Variants in ZNF236 observed in about 807,000 individuals in gnomAD.
ZNF236 encodes the protein zinc finger protein 236, also known as regulated by glucose.
ZNF236 carries 50 observed loss-of-function variants against 191.2 expected under a neutral mutation model. The ratio of observed to expected loss-of-function variants is 0.26; its 90% CI spans 0.21 to 0.33. The LOEUF is 0.33. Ranked by LOEUF, ZNF236 falls within the 10% of genes least tolerant of loss-of-function variation. The pLI is 1.00. For synonymous variants in ZNF236, 907 were observed against 928.8 expected (o/e 0.98, Z 0.43); for missense variants, 1,754 against 2,374.5 (o/e 0.74, Z 5.43).
chr18:76,824,638 C>G (rs1244056808), intron 1 of ZNF236, among the ~76,000 whole-genome samples: 1 of 152,170 alleles, frequency 6.6e-6, no homozygotes, highest in Admixed American at 6.6e-5. Flanking sequence ...TGTAAAATTT[C>G]CACGGCCACA....
chr18:76,895,013 G>C lies in ZNF236; in HGVS notation c.1418G>C (p.Gly473Ala). The stretch of plus-strand genomic sequence containing the variant: ...CGGGACGTGTCCTCTCCCTTCACAG[G>C]CTCCATCCGCGAGGAGAACGGCGTG... ...MIKKKSPFLP[G>A]SIREENGVRW... Residue 473 changes from glycine (G) to alanine (A), a missense_variant and splice_region_variant, in exon 10 of 31, where the codon GGC (glycine) becomes GCC (alanine). By Grantham distance (60) the Gly-to-Ala change is moderately conservative. Transcript: ENST00000320610. The C allele has an allele frequency of 1.2e-6, 2 of 1,608,168 alleles. No individual in the cohort carries two copies. Among genetic ancestry groups the C allele is most frequent in the African/African-American group, 1.3e-5 (1 of 75,060 alleles).
At chr18:76,895,448 G>GTT (rs1352894734) in intron 10 of ZNF236, 163 bp downstream of exon 10, 1 of 1,024,026 alleles carries the variant, frequency 9.8e-7, no homozygotes, top group Non-Finnish European at 1.4e-6. Context: ...AGTACTGCAC[G>GTT]TAAGTGTGGC....
At chr18:76,852,556 T>C (rs1975909325) in intron 3 of ZNF236, among the ~76,000 whole-genome samples, 1 of 151,972 alleles carries the variant, frequency 6.6e-6, no homozygotes, top group East Asian at 1.9e-4. Context: ...ATCCCAGTGT[T>C]TGGGAAGCTG....
At chr18:76,936,232 C>T in intron 25 of ZNF236, 1 of 442,842 alleles carries the variant, frequency 2.3e-6, no homozygotes, top group South Asian at 1.6e-5. Context: ...TCCTTAGCAA[C>T]TGGCACAGTG....
chr18:76,828,756 T>G (rs1242137939), intron 1 of ZNF236, among the ~76,000 whole-genome samples: 2 of 152,184 alleles, frequency 1.3e-5, no homozygotes, highest in Non-Finnish European at 2.9e-5. Context: ...AACCTCCGCC[T>G]TCTGGGTTCA....
Position 76,895,173 on chromosome 18 carries a change from G to A in ZNF236, c.1578G>A (p.Thr526=), listed in dbSNP as rs765395015. The A allele has an allele frequency of 8.1e-6, 13 of 1,606,184 alleles. No individual in the cohort carries two copies. Among genetic ancestry groups the A allele is most frequent in the South Asian group, 1.1e-5 (1 of 91,088 alleles). ...QCFRAFAVKS[T]LTAHIKTHTG... is the part of the protein sequence containing the mutation. ...TCCGCGCCTTCGCCGTGAAGAGCAC[G>A]CTGACAGCGCACATCAAGACGCACA... The change falls in exon 10 of 31, where the codon ACG becomes ACA. Residue 526 remains threonine, a synonymous_variant. Transcript: ENST00000320610.
intron 9 of ZNF236, among the ~76,000 whole-genome samples, chr18:76,890,642 G>T (rs1484074525): frequency 6.6e-6 from 1 of 152,108 alleles, no homozygotes; most frequent in East Asian, 1.9e-4. Context: ...TTAGAAAATG[G>T]TGTCTTATTG....
chr18:76,874,431 A>G (rs1329152128), intron 5 of ZNF236, among the ~76,000 whole-genome samples: 1 of 151,834 alleles, frequency 6.6e-6, no homozygotes, highest in Non-Finnish European at 1.5e-5. Flanking sequence ...TCCTTCATTC[A>G]TCAGATCCGT....
chr18:76,928,669 T>C (rs1967771466), intron 25 of ZNF236, among the ~76,000 whole-genome samples: 1 of 152,176 alleles, frequency 6.6e-6, no homozygotes, highest in Admixed American at 6.5e-5. Flanking sequence ...GTCTTAGGGC[T>C]ATGCTGCTCG....
chr18:76,863,875 G>C (rs1443322625), intron 3 of ZNF236, among the ~76,000 whole-genome samples: 1 of 152,188 alleles, frequency 6.6e-6, no homozygotes, highest in Non-Finnish European at 1.5e-5. Context: ...ACCAGAAGGA[G>C]GCTTGGAACT....
rs888230205 is a variant in ZNF236, at chr18:76,849,570, C to G, written c.100C>G (p.Gln34Glu). 2 of 1,611,816 alleles carry G rather than the reference C, an allele frequency of 1.2e-6. No individual in the cohort carries two copies. The highest frequency in any genetic ancestry group is 1.7e-5 in the Admixed American group (1 of 59,378). The change falls in exon 2 of 31, where the codon CAA becomes GAA. Residue 34 changes from glutamine to glutamate, a missense_variant. Around this residue, in one of 5 missense-constraint regions of ZNF236, gnomAD observed 336 missense variants for 495.1 expected, o/e 0.68. Coordinates refer to ENST00000320610, the MANE Select transcript of ZNF236 (RefSeq NM_001306089.2). ...TGCGGAGAACACTAATTATGCCTATCAAGTTCCAAACTTCCATAAATGTGA... is the reference window on the plus strand; with the variant it reads ...TGCGGAGAACACTAATTATGCCTATGAAGTTCCAAACTTCCATAAATGTGA... ...LNAENTNYAY[Q>E]VPNFHKCEIC...
chr18:76,961,811 A>T (rs138042525), intron 30 of ZNF236, among the ~76,000 whole-genome samples: 3,055 of 152,074 alleles, frequency 0.02, 108 homozygotes, highest in African/African-American at 0.069. Flanking sequence ...CATTTTCCTG[A>T]TCATTAGTGA....
At chr18:76,922,621 A>T (rs1361157954) in intron 20 of ZNF236, among the ~76,000 whole-genome samples, 6 of 150,602 alleles carry the variant, frequency 4.0e-5, no homozygotes, top group Non-Finnish European at 7.4e-5. Flanking sequence ...CAGTGGTGTG[A>T]TCACGGCTCA....
At chr18:76,843,003 C>G (rs1975555432) in intron 1 of ZNF236, among the ~76,000 whole-genome samples, 1 of 152,192 alleles carries the variant, frequency 6.6e-6, no homozygotes, top group African/African-American at 2.4e-5. Context: ...GTGCCTGTGG[C>G]TGGTGCTGTT....
chr18:76,928,985 C>T (rs552868210), intron 25 of ZNF236, among the ~76,000 whole-genome samples: 35 of 149,510 alleles, frequency 2.3e-4, no homozygotes, highest in Non-Finnish European at 4.4e-4. Context: ...AATCAAAACA[C>T]GCTCCGTGGA....
intron 25 of ZNF236, among the ~76,000 whole-genome samples, chr18:76,930,563 G>T (rs1258441796): frequency 6.6e-6 from 1 of 152,210 alleles, no homozygotes. Context: ...ATGTGTTTTA[G>T]TAGGAATGTA....
intron 1 of ZNF236, among the ~76,000 whole-genome samples, chr18:76,837,265 C>T (rs553175265): frequency 2.6e-5 from 4 of 151,900 alleles, no homozygotes; most frequent in South Asian, 2.1e-4. Context: ...TGTAGCTTTT[C>T]GTGTCAAATT....
At chr18:76,923,021 AATC>A in intron 20 of ZNF236, 47 bp from the exon 21 acceptor site, 3 of 1,366,460 alleles carry the variant, frequency 2.2e-6, no homozygotes, top group Non-Finnish European at 3.1e-6. Context: ...ATAAATTTCA[AATC>A]ATGAAGTCGT....
chr18:76,837,320 T>C (rs896813750), intron 1 of ZNF236, among the ~76,000 whole-genome samples: 10 of 152,132 alleles, frequency 6.6e-5, no homozygotes, highest in Admixed American at 3.3e-4. Flanking sequence ...TTGTCCCTTA[T>C]GTTTTTCTTC....
Sources: allele counts gnomAD v4.1 joint callset (sites outside exome capture counted in the v4.1 genomes callset), GRCh38; gene constraint gnomAD v4.1.1; regional missense constraint gnomAD v4.1.1; transcripts MANE v1.5; gene names NCBI Gene and HGNC (gene_info 2026-07-23, HGNC 2026-07-21).